Variants in FRMD6 observed in about 807,000 individuals in gnomAD.
FRMD6 encodes FERM domain-containing protein 6.
Under a neutral mutation model 73.2 loss-of-function variants are expected in FRMD6, and 37 were observed. That is an observed-to-expected ratio of 0.51 (90% CI 0.39 to 0.66). The LOEUF (loss-of-function observed/expected upper bound fraction) is 0.66. FRMD6 is among the 30% of genes least tolerant of loss of function. The probability of loss-of-function intolerance (pLI) is 0.00; values close to 1 mark genes in which losing one functional copy is unlikely to be tolerated. For synonymous variants in FRMD6, 273 were observed against 282.2 expected (o/e 0.97, Z 0.33); for missense variants, 714 against 780.5 (o/e 0.91, Z 1.02).
chr14:51,653,973 C>T (rs560241893), intron 1 of FRMD6, among the ~76,000 whole-genome samples: 1 of 152,256 alleles, frequency 6.6e-6, no homozygotes, highest in East Asian at 1.9e-4. Context: ...ATTTTCCCCC[C>T]TTTGAGTTGC....
intron 1 of FRMD6, among the ~76,000 whole-genome samples, chr14:51,504,646 G>T (rs1444022640): frequency 6.6e-6 from 1 of 152,104 alleles, no homozygotes; most frequent in Non-Finnish European, 1.5e-5. Flanking sequence ...CTCTTTCTCT[G>T]GTGGGTTAAA....
intron 2 of FRMD6, among the ~76,000 whole-genome samples, chr14:51,585,820 T>C (rs1380761892): frequency 1.3e-5 from 2 of 151,242 alleles, no homozygotes; most frequent in Non-Finnish European, 2.9e-5. Flanking sequence ...TTTGACTTTC[T>C]GTTTCTGAGT....
chr14:51,496,220 C>A (rs915050864), intron 1 of FRMD6, among the ~76,000 whole-genome samples: 2 of 152,182 alleles, frequency 1.3e-5, no homozygotes, highest in African/African-American at 4.8e-5. Flanking sequence ...CCAAACCACA[C>A]CTTCACAAGA....
intron 2 of FRMD6, among the ~76,000 whole-genome samples, chr14:51,631,525 C>T (rs1891336119): frequency 6.6e-6 from 1 of 152,156 alleles, no homozygotes; most frequent in Non-Finnish European, 1.5e-5. Context: ...AAGGGTTGTT[C>T]ATGCTTAGGT....
chr14:51,476,978 T>C, the FRMD6 span, among the ~76,000 whole-genome samples: 5 of 152,194 alleles, frequency 3.3e-5, no homozygotes, highest in Non-Finnish European at 5.9e-5. Context: ...AGGATTAAGA[T>C]GAAAGCGTTC....
intron 1 of FRMD6, among the ~76,000 whole-genome samples, chr14:51,515,485 C>G (rs1884576390): frequency 6.6e-6 from 1 of 152,186 alleles, no homozygotes. Flanking sequence ...AACTGGTGCC[C>G]CCATTTGTTG....
At chr14:51,467,770 G>C in the FRMD6 span, among the ~76,000 whole-genome samples, 2 of 151,662 alleles carry the variant, frequency 1.3e-5, no homozygotes, top group African/African-American at 4.8e-5. Flanking sequence ...TCCTAGACGG[G>C]ATGACGGCCA....
intron 2 of FRMD6, among the ~76,000 whole-genome samples, chr14:51,640,109 T>C (rs1891750354): frequency 6.6e-6 from 1 of 152,196 alleles, no homozygotes; most frequent in Admixed American, 6.5e-5. Context: ...CAGTTTTAGT[T>C]ATTCCATTAA....
Position 51,702,603 on chromosome 14 carries a change from G to T in FRMD6, c.371+15G>T. The T allele has an allele frequency of 6.2e-7, 1 of 1,602,278 alleles. No homozygotes were observed. Among genetic ancestry groups the T allele is most frequent in the Non-Finnish European group, 8.5e-7 (1 of 1,172,774 alleles). ...AGATTGATCAGGTAAGAGGACAGGG[G>T]GTGATTCTAAACGCTTTTTTTTCCC... On this transcript the variant is annotated intron_variant, in intron 5 of 13. Transcript: ENST00000344768.
At chr14:51,704,109 A>T (rs1216079489) in intron 5 of FRMD6, among the ~76,000 whole-genome samples, 1 of 152,138 alleles carries the variant, frequency 6.6e-6, no homozygotes, top group Non-Finnish European at 1.5e-5. Flanking sequence ...CTGTAAAAAC[A>T]TAACAGTAAT....
intron 1 of FRMD6, among the ~76,000 whole-genome samples, chr14:51,681,094 T>C (rs1894763635): frequency 6.6e-6 from 1 of 152,224 alleles, no homozygotes; most frequent in South Asian, 2.1e-4. Flanking sequence ...CCCTTTTCTA[T>C]AGCTGAGTAC....
At chr14:51,719,460 C>T (rs1269280032) in intron 10 of FRMD6, among the ~76,000 whole-genome samples, 2 of 152,168 alleles carry the variant, frequency 1.3e-5, no homozygotes, top group Admixed American at 6.5e-5. Flanking sequence ...AAGAAATTCT[C>T]AGAAGAATAG....
chr14:51,543,735 A>G (rs148792689), intron 1 of FRMD6, among the ~76,000 whole-genome samples: 130 of 152,160 alleles, frequency 8.5e-4, no homozygotes, highest in African/African-American at 3.1e-3. Context: ...AGAATTGCGA[A>G]CTGTATTCTT....
chr14:51,539,991 A>C lies in FRMD6; in HGVS notation c.-209-30357A>C, dbSNP rs553754838. ...CTTGGAACACTCCAACAAAAGGCAC[A>C]CTTTGTGTGCTGGCTGTCTTAAAAA... On this transcript the variant is annotated intron_variant, in intron 1 of 14. Coordinates refer to the FRMD6 transcript ENST00000356218. Among the ~76,000 whole-genome samples the C allele has an allele frequency of 3.3e-5, 5 of 152,350 alleles. No individual in the cohort carries two copies. The South Asian group carries it at 1.0e-3, about 32-fold the overall frequency.
At chr14:51,684,657 G>A (rs1184124728) in intron 1 of FRMD6, among the ~76,000 whole-genome samples, 2 of 152,080 alleles carry the variant, frequency 1.3e-5, no homozygotes, top group Non-Finnish European at 2.9e-5. Context: ...TGGGAGAGGG[G>A]CTCCTGGCAG....
chr14:51,482,652 T>C, the FRMD6 span, among the ~76,000 whole-genome samples: 1 of 150,130 alleles, frequency 6.7e-6, no homozygotes, highest in East Asian at 2.0e-4. Flanking sequence ...GAGGTGCAAT[T>C]GGAGAAGGAA....
intron 2 of FRMD6, among the ~76,000 whole-genome samples, chr14:51,574,016 A>G (rs968560163): frequency 1.3e-5 from 2 of 152,166 alleles, no homozygotes; most frequent in Non-Finnish European, 2.9e-5. Flanking sequence ...TTTATTTTCT[A>G]TGAAGCATCT....
At chr14:51,444,651 C>T in the FRMD6 span, among the ~76,000 whole-genome samples, 3,118 of 152,256 alleles carry the variant, frequency 0.02, 107 homozygotes, top group African/African-American at 0.071. Context: ...ATGGTGATGG[C>T]AGGTGAGGTC....
chr14:51,496,496 C>A (rs1883300742), intron 1 of FRMD6, among the ~76,000 whole-genome samples: 1 of 152,190 alleles, frequency 6.6e-6, no homozygotes, highest in African/African-American at 2.4e-5. Flanking sequence ...ATAGCTGGGA[C>A]TCTAACTTCT....
Sources: allele counts gnomAD v4.1 joint callset (sites outside exome capture counted in the v4.1 genomes callset), GRCh38; gene constraint gnomAD v4.1.1; transcripts MANE v1.5; gene names NCBI Gene and HGNC (gene_info 2026-07-23, HGNC 2026-07-21).